The following KIFAP3 variants were observed in gnomAD, a reference collection of about 807,000 sequenced individuals.
KIFAP3 encodes kinesin-associated protein 3.
In KIFAP3, 68 loss-of-function variants were observed where a neutral mutation model predicts 106.5. The observed-to-expected ratio is 0.64, with a 90% confidence interval of 0.53 to 0.78. The LOEUF is 0.78. KIFAP3 is among the 30% of genes least tolerant of loss of function. The probability of loss-of-function intolerance (pLI) is 0.00; values close to 1 mark genes in which losing one functional copy is unlikely to be tolerated. For missense variants in KIFAP3, 780 were observed against 941.8 expected (o/e 0.83, Z 2.25); for synonymous variants, 320 against 311.5 (o/e 1.03, Z -0.29).
chr1:170,020,043 C>T (rs1668729762), intron 9 of KIFAP3, among the ~76,000 whole-genome samples: 1 of 152,024 alleles, frequency 6.6e-6, no homozygotes, highest in African/African-American at 2.4e-5. Flanking sequence ...TCAACCAAAA[C>T]CAGGAAACTG....
intron 19 of KIFAP3, among the ~76,000 whole-genome samples, chr1:169,947,281 A>C (rs1664487752): frequency 1.3e-5 from 2 of 152,002 alleles, no homozygotes. Flanking sequence ...CACAGATCTG[A>C]GTATTTTTAG....
chr1:170,081,060 A>G (rs1051527343), intron 1 of KIFAP3, among the ~76,000 whole-genome samples: 1 of 152,186 alleles, frequency 6.6e-6, no homozygotes, highest in Non-Finnish European at 1.5e-5. Flanking sequence ...AGGAAGGTCT[A>G]TCACCAAAAT....
rs755636234 is a variant in KIFAP3, at chr1:170,035,566, G to A, written c.518-13C>T. ...CCAAGGGCAGTTTCTAAAGAAAAAG[G>A]AGAGGTACCGAAACGATCATTCTCC... On this transcript the variant is annotated splice_polypyrimidine_tract_variant and intron_variant, in intron 5 of 19. Coordinates refer to ENST00000361580, the MANE Select transcript of KIFAP3 (RefSeq NM_014970.4). The A allele has an allele frequency of 2.1e-5, 32 of 1,533,790 alleles. No individual in the cohort carries two copies. The highest frequency in any genetic ancestry group is 7.2e-5 in the Admixed American group (4 of 55,524).
At chr1:170,006,402 C>T (rs897731474) in intron 10 of KIFAP3, among the ~76,000 whole-genome samples, 11 of 152,160 alleles carry the variant, frequency 7.2e-5, no homozygotes, top group Admixed American at 3.9e-4. Context: ...TCTTCCTACA[C>T]ATTGGCTGAG....
At chr1:169,974,740 T>A (rs943383891) in intron 16 of KIFAP3, among the ~76,000 whole-genome samples, 3 of 151,916 alleles carry the variant, frequency 2.0e-5, no homozygotes, top group African/African-American at 2.4e-5. Context: ...AATAAATTTT[T>A]ATTTAATGAA....
At chr1:170,030,447 TC>T (rs1384967046) in intron 8 of KIFAP3, among the ~76,000 whole-genome samples, 5 of 151,928 alleles carry the variant, frequency 3.3e-5, no homozygotes, top group African/African-American at 1.2e-4. Context: ...CATACACCTA[TC>T]CTATGACTCA....
At chr1:170,003,049 A>C (rs1368974315) in intron 10 of KIFAP3, among the ~76,000 whole-genome samples, 1 of 152,174 alleles carries the variant, frequency 6.6e-6, no homozygotes, top group Non-Finnish European at 1.5e-5. Flanking sequence ...TGTGGTGGTG[A>C]GCCAGGTTTT....
intron 17 of KIFAP3, among the ~76,000 whole-genome samples, 155 bp from the exon 18 acceptor site, chr1:169,961,390 A>G (rs1370956238): frequency 2.0e-5 from 3 of 152,198 alleles, no homozygotes; most frequent in Admixed American, 2.0e-4. Context: ...ATAATAGCCA[A>G]CAAAAAGCAA....
At chr1:169,942,529 G>T (rs528820179) in intron 19 of KIFAP3, among the ~76,000 whole-genome samples, 2 of 152,362 alleles carry the variant, frequency 1.3e-5, no homozygotes, top group Admixed American at 6.5e-5. Flanking sequence ...AGATTAAACT[G>T]ATTGTGCTGT....
chr1:170,030,568 T>C (rs535654619), intron 8 of KIFAP3, among the ~76,000 whole-genome samples: 3 of 151,958 alleles, frequency 2.0e-5, no homozygotes, highest in South Asian at 2.1e-4. Flanking sequence ...ACTGGAAATA[T>C]TCTAATGATC....
intron 17 of KIFAP3, among the ~76,000 whole-genome samples, chr1:169,966,998 A>C (rs1254349278): frequency 2.7e-5 from 4 of 149,746 alleles, no homozygotes; most frequent in South Asian, 2.1e-4. Context: ...ATTTATGTTT[A>C]TGTTTCTGAA....
At chr1:169,957,758 C>T (rs1453677581) in intron 18 of KIFAP3, among the ~76,000 whole-genome samples, 2 of 152,102 alleles carry the variant, frequency 1.3e-5, no homozygotes, top group Admixed American at 6.6e-5. Flanking sequence ...TCCCGAGTAG[C>T]TGGGATTACA....
chr1:170,070,962 AC>A (rs1671679833), intron 1 of KIFAP3, among the ~76,000 whole-genome samples: 2 of 152,254 alleles, frequency 1.3e-5, no homozygotes, highest in African/African-American at 4.8e-5. Flanking sequence ...AAGAATAAAG[AC>A]AAATGGCCAA....
At chr1:170,034,944 T>C (rs992249029) in intron 6 of KIFAP3, among the ~76,000 whole-genome samples, 1 of 152,026 alleles carries the variant, frequency 6.6e-6, no homozygotes, top group Non-Finnish European at 1.5e-5. Context: ...TAAATATTTA[T>C]TTGCTAATAC....
intron 2 of KIFAP3, among the ~76,000 whole-genome samples, chr1:170,053,537 AAAAAC>A (rs1164939251): frequency 6.6e-6 from 1 of 152,252 alleles, no homozygotes; most frequent in Non-Finnish European, 1.5e-5. Flanking sequence ...GTTCTAAGCA[AAAAAC>A]AAAACAAAAC....
intron 2 of KIFAP3, among the ~76,000 whole-genome samples, chr1:170,049,463 C>T (rs1242607222): frequency 6.6e-6 from 1 of 152,172 alleles, no homozygotes; most frequent in Non-Finnish European, 1.5e-5. Context: ...GGAAATTCTC[C>T]CAGCACAGCA....
At chr1:170,021,995 G>A (rs1668863869) in intron 9 of KIFAP3, among the ~76,000 whole-genome samples, 1 of 135,390 alleles carries the variant, frequency 7.4e-6, no homozygotes, top group Non-Finnish European at 1.5e-5. Context: ...TGTCGCCCAG[G>A]CTGGAGTGCA....
chr1:170,035,156 T>C (rs1669619459), intron 6 of KIFAP3, among the ~76,000 whole-genome samples: 2 of 152,030 alleles, frequency 1.3e-5, no homozygotes, highest in Admixed American at 6.6e-5. Flanking sequence ...GGCTTTATTC[T>C]AAGTATTTTA....
At chr1:170,077,319 T>A (rs1671939288), upstream of KIFAP3, among the ~76,000 whole-genome samples, 1 of 152,226 alleles carries the variant, frequency 6.6e-6, no homozygotes. Context: ...CTATACTTCA[T>A]AAAATTGTTC....
Sources: allele counts gnomAD v4.1 joint callset (sites outside exome capture counted in the v4.1 genomes callset), GRCh38; gene constraint gnomAD v4.1.1; transcripts MANE v1.5; gene names NCBI Gene and HGNC (gene_info 2026-07-23, HGNC 2026-07-21).